MBD4: variants seen among roughly 807,000 people sequenced by gnomAD.
MBD4 encodes methyl-CpG binding domain 4, DNA glycosylase.
Under a neutral mutation model 60.2 loss-of-function variants are expected in MBD4, and 53 were observed. The observed-to-expected ratio is 0.88, with a 90% CI of 0.71 to 1.11. MBD4 has a LOEUF of 1.11. MBD4 is among the 50% of genes least tolerant of loss of function. MBD4 has a pLI of 0.00. For missense variants in MBD4, 619 were observed against 674.0 expected (o/e 0.92, Z 0.90); for synonymous variants, 231 against 229.8 (o/e 1.01, Z -0.05).
rs376050040 is a variant in MBD4 at position 129,433,233 on chromosome 3, G to A, written c.1408C>T (p.Pro470Ser). Residue 470 changes from proline to serine, a missense_variant, in exon 6 of 8, where the codon CCT becomes TCT. By Grantham distance (74) the Pro-to-Ser change is moderately conservative. Coordinates refer to ENST00000429544, the MANE Select transcript of MBD4 (RefSeq NM_001276270.2). ...TTCTCCAGAAACTTCCAAAGCACAG[G>A]TATTGCCATTTTGCCTGGGAAGTAA... ...LNRTSGKMAI[P>S]VLWKFLEKYP... is the part of the protein sequence containing the mutation. 1.2e-5 allele frequency: 19 copies of A among 1,614,040 alleles called. No homozygotes were observed. Among genetic ancestry groups the A allele is most frequent in the Admixed American group, 1.7e-5 (1 of 59,998 alleles).
At chr3:129,439,048 A>G (rs1243322710) in intron 1 of MBD4, among the ~76,000 whole-genome samples, 2 of 152,228 alleles carry the variant, frequency 1.3e-5, no homozygotes, top group Non-Finnish European at 2.9e-5. Context: ...TAATCACTAA[A>G]CCACAGATTG....
In MBD4 at chr3:129,439,847, G is replaced by A; in HGVS notation, c.-14C>T. 1.9e-6 allele frequency: 3 copies of A among 1,592,564 alleles called. No individual in the cohort carries two copies. The highest frequency in any genetic ancestry group is 2.6e-6 in the Non-Finnish European group (3 of 1,162,352). On this transcript the variant is annotated 5_prime_UTR_variant, in exon 1 of 8. Coordinates refer to ENST00000429544, the MANE Select transcript of MBD4 (RefSeq NM_001276270.2). The stretch of plus-strand genomic sequence containing the variant: ...AGTCGTGCCCATCGAGCAGGGTCCG[G>A]CTGCAGCAACGAGCCCAGCGCCGCA...
intron 7 of MBD4, 159 bp downstream of exon 7, chr3:129,432,344 C>T: frequency 6.5e-7 from 1 of 1,528,850 alleles, no homozygotes; most frequent in Non-Finnish European, 8.8e-7. Context: ...TGATCAAAAA[C>T]CCCAAAACCC....
intron 1 of MBD4, among the ~76,000 whole-genome samples, chr3:129,438,450 G>T (rs2072542737): frequency 6.6e-6 from 1 of 152,108 alleles, no homozygotes; most frequent in African/African-American, 2.4e-5. Context: ...CAGAATTTTT[G>T]AATCTTCTTC....
chr3:129,432,627 C>A, intron 6 of MBD4, 21 bp from the exon 7 acceptor site: 1 of 1,612,218 alleles, frequency 6.2e-7, no homozygotes, highest in South Asian at 1.1e-5. Flanking sequence ...CAACATCCCA[C>A]ATTATCAGGT....
At chr3:129,437,379 T>G (rs930719926) in intron 2 of MBD4, 71 bp from the exon 3 acceptor site, 1 of 1,219,380 alleles carries the variant, frequency 8.2e-7, no homozygotes, top group African/African-American at 1.5e-5. Flanking sequence ...TGGACCACAT[T>G]TCAGATTTCT....
intron 6 of MBD4, 45 bp from the exon 7 acceptor site, chr3:129,432,651 C>T: frequency 6.3e-7 from 1 of 1,579,396 alleles, no homozygotes; most frequent in Non-Finnish European, 8.7e-7. Context: ...CTTCTAAAGA[C>T]ACCCTCCCAA....
chr3:129,431,327 C>G lies in MBD4; in HGVS notation c.*174G>C. 1.6e-6 allele frequency: 1 copy of G among 623,196 alleles called. No individual in the cohort carries two copies. Among genetic ancestry groups the G allele is most frequent in the Non-Finnish European group, 2.9e-6 (1 of 348,328 alleles). The allele number at this position is 623,196 out of a possible 1,614,324, so 38.6% of individuals were successfully genotyped here. A position where few individuals can be genotyped will look rare whatever the true frequency, so the allele number is the denominator to read the frequency against. On this transcript the variant is annotated 3_prime_UTR_variant, in exon 8 of 8. Transcript: ENST00000429544. ...AAAAAAATCTCAAAACATGTTCAAA[C>G]ACATTCAGTAGCAAAGATCCACCAT...
chr3:129,439,941 G>T lies in MBD4; in HGVS notation c.-108C>A. 1.2e-6 allele frequency: 1 copy of T among 868,830 alleles called. No homozygotes were observed. The highest frequency in any genetic ancestry group is 1.9e-6 in the Non-Finnish European group (1 of 528,818). The allele number at this position is 868,830 out of a possible 1,614,324, so 53.8% of individuals were successfully genotyped here. On this transcript the variant is annotated 5_prime_UTR_variant, in exon 1 of 8. Coordinates refer to ENST00000429544, the MANE Select transcript of MBD4 (RefSeq NM_001276270.2). ...CTCACGGCACCGGGCTGCAACCGAG[G>T]TCTGAATGTTGCGAAAGCGCCCCAG...
intron 7 of MBD4, chr3:129,432,161 A>C: frequency 7.5e-7 from 1 of 1,337,874 alleles, no homozygotes; most frequent in Non-Finnish European, 9.6e-7. Flanking sequence ...TGCAGGCCCA[A>C]ACCTTCCTGC....
chr3:129,437,863 C>G lies in MBD4; in HGVS notation c.192G>C (p.Leu64Phe). The change falls in exon 2 of 8, where the codon TTG becomes TTC. Residue 64 changes from leucine (L) to phenylalanine (F), a missense_variant. Coordinates refer to ENST00000429544, the MANE Select transcript of MBD4 (RefSeq NM_001276270.2). ...GAGCAGAAGCGATGGGTTCTTGTAG[C>G]AAGGGATTACATTCACTGCTTCTTT... ...MIKRSSECNP[L>F]LQEPIASAQF... 6.2e-7 allele frequency: 1 copy of G among 1,614,066 alleles called. No homozygotes were observed. The highest frequency in any genetic ancestry group is 8.5e-7 in the Non-Finnish European group (1 of 1,179,896).
rs760404637 is a variant in MBD4, at chr3:129,437,749, T to C, written c.306A>G (p.Thr102=). 6.2e-7 allele frequency: 1 copy of C among 1,614,038 alleles called. No individual in the cohort carries two copies. The highest frequency in any genetic ancestry group is 2.2e-5 in the East Asian group (1 of 44,878). ...TAAAGTACACATCAAATCTTCCTGC[T>C]GTCTTCCCAAATAACCTTTGCTTCA... ...RVVKQRLFGK[T]AGRFDVYFIS... Residue 102 remains threonine, a synonymous_variant, in exon 2 of 8, where the codon ACA becomes ACG. Transcript: ENST00000429544.
At position 129,431,409 on chromosome 3, in the gene MBD4, C is replaced by A; in HGVS notation, c.*92G>T. ...GGCTTCTAGTTGGGCTAATTAAAAT[C>A]TCTATGGCTGGAAAGGTGGTTGGTT... On this transcript the variant is annotated 3_prime_UTR_variant, in exon 8 of 8. Transcript: ENST00000429544. The A allele has an allele frequency of 9.7e-7, 1 of 1,030,530 alleles. No individual in the cohort carries two copies. The highest frequency in any genetic ancestry group is 1.5e-6 in the Non-Finnish European group (1 of 657,576). 63.8% of individuals were successfully genotyped at this position (1,030,530 alleles called of 1,614,324 possible). A position where few individuals can be genotyped will look rare whatever the true frequency, so the allele number is the denominator to read the frequency against.
At position 129,433,977 on chromosome 3, in the gene MBD4, G is replaced by C. The variant is rs758935058; in HGVS notation, c.1266C>G (p.Ser422Arg). ...TCTTAAAGGCTTTACGTCGTGGGGG[G>C]CTAAGAGCTAAACAAACATAGTGCA... ...FSSKYNKEAL[S>R]PPRRKAFKKW... is the part of the protein sequence containing the mutation. Residue 422 changes from serine (S) to arginine (R), a missense_variant, in exon 5 of 8, where the codon AGC becomes AGG. Coordinates refer to ENST00000429544, the MANE Select transcript of MBD4 (RefSeq NM_001276270.2). The C allele has an allele frequency of 1.9e-6, 3 of 1,614,198 alleles. No homozygotes were observed. The highest frequency in any genetic ancestry group is 2.2e-5 in the South Asian group (2 of 91,088).
rs1252974825 is a variant in MBD4, at chr3:129,439,752, G to A, written c.82C>T (p.Pro28Ser). The change falls in exon 1 of 8, where the codon CCA (proline) becomes TCA (serine). Residue 28 changes from proline to serine, a missense_variant. Physicochemically the swap from Pro to Ser is moderately conservative, Grantham distance 74. Transcript: ENST00000429544. ...TACCGGAGGTCATTCGGCGGGTCTGGGACTAGGCGCTCACTAGAGGTGACG... is the reference window on the plus strand; with the variant it reads ...TACCGGAGGTCATTCGGCGGGTCTGAGACTAGGCGCTCACTAGAGGTGACG... ...PTVTSSERLVPDPPNDLRKED... is the reference protein window; with the variant it reads ...PTVTSSERLVSDPPNDLRKED... 6.3e-7 allele frequency: 1 copy of A among 1,598,850 alleles called. No individual in the cohort carries two copies. Among genetic ancestry groups the A allele is most frequent in the African/African-American group, 1.3e-5 (1 of 74,782 alleles).
chr3:129,432,016 A>G (rs1019622825), intron 7 of MBD4, among the ~76,000 whole-genome samples: 2 of 152,200 alleles, frequency 1.3e-5, no homozygotes, highest in African/African-American at 4.8e-5. Flanking sequence ...AGTGGGCAGC[A>G]TACCAGGCCA....
intron 3 of MBD4, among the ~76,000 whole-genome samples, 163 bp from the exon 4 acceptor site, chr3:129,434,299 G>A (rs1261046434): frequency 6.6e-6 from 1 of 152,112 alleles, no homozygotes; most frequent in Non-Finnish European, 1.5e-5. Flanking sequence ...CATGAACTTG[G>A]TACTATTTTT....
At chr3:129,437,676 C>CA (rs1559801731) in intron 2 of MBD4, 44 bp downstream of exon 2, 2 of 1,409,576 alleles carry the variant, frequency 1.4e-6, no homozygotes, top group African/African-American at 2.8e-5. Context: ...CCTGCCCAGA[C>CA]AAAATCATTT....
chr3:129,438,202 C>T (rs981848365), intron 1 of MBD4, among the ~76,000 whole-genome samples: 1 of 152,134 alleles, frequency 6.6e-6, no homozygotes, highest in East Asian at 1.9e-4. Context: ...AGAAACTTTT[C>T]GGATTAATCA....
Sources: gnomAD v4.1 joint callset for allele counts (sites outside exome capture counted in the v4.1 genomes callset) on GRCh38, gnomAD v4.1.1 for gene constraint, MANE v1.5 for transcripts, NCBI Gene and HGNC (gene_info 2026-07-23, HGNC 2026-07-21) for gene names.